Variants in ROR1 observed in about 807,000 individuals in gnomAD.
The protein encoded by ROR1 is ROR family WNT receptor 1.
Under a neutral mutation model 78.8 loss-of-function variants are expected in ROR1, and 19 were observed. The ratio of observed to expected loss-of-function variants is 0.24; its 90% CI spans 0.17 to 0.35. The LOEUF (loss-of-function observed/expected upper bound fraction) is 0.35, where lower values mean the gene tolerates loss of function less well. ROR1 is among the 10% of genes least tolerant of loss of function. The probability of loss-of-function intolerance (pLI) is 1.00; values close to 1 mark genes in which losing one functional copy is unlikely to be tolerated. For synonymous variants in ROR1, 386 were observed against 433.6 expected, an observed-to-expected ratio of 0.89 and a Z score of 1.36; for missense variants, 917 against 1,177.8, an observed-to-expected ratio of 0.78 and a Z score of 3.24.
chr1:63,959,542 G>T (rs553624956), intron 1 of ROR1, among the ~76,000 whole-genome samples: 1 of 152,240 alleles, frequency 6.6e-6, no homozygotes, highest in African/African-American at 2.4e-5. Context: ...TCCTTCTAAG[G>T]ATCTTGCCTC....
intron 1 of ROR1, among the ~76,000 whole-genome samples, chr1:63,976,550 A>C (rs2100503686): frequency 6.6e-6 from 1 of 152,232 alleles, no homozygotes; most frequent in East Asian, 1.9e-4. Context: ...CTAGATATAC[A>C]CTGTTATGTA....
At chr1:63,994,757 C>A (rs888650288) in intron 1 of ROR1, among the ~76,000 whole-genome samples, 1 of 152,204 alleles carries the variant, frequency 6.6e-6, no homozygotes, top group Non-Finnish European at 1.5e-5. Flanking sequence ...AAATGGATGA[C>A]CACATTCCAT....
intron 4 of ROR1, among the ~76,000 whole-genome samples, chr1:64,092,677 G>A (rs950487447): frequency 1.3e-5 from 2 of 152,138 alleles, no homozygotes; most frequent in Admixed American, 1.3e-4. Flanking sequence ...AAAAAAGTTT[G>A]AAAACTACCA....
intron 4 of ROR1, among the ~76,000 whole-genome samples, chr1:64,054,742 G>A (rs1479366137): frequency 6.6e-6 from 1 of 152,022 alleles, no homozygotes; most frequent in African/African-American, 2.4e-5. Context: ...TAATTTTCTT[G>A]GGCTGCTGGA....
intron 1 of ROR1, among the ~76,000 whole-genome samples, chr1:63,999,207 G>A (rs914614191): frequency 3.2e-4 from 49 of 152,186 alleles, no homozygotes; most frequent in East Asian, 1.9e-4. Flanking sequence ...GCTCCTTTGA[G>A]TATCCAAGTT....
At chr1:64,050,656 GTTTC>G (rs1292514584) in intron 3 of ROR1, 26 bp from the exon 4 acceptor site, 10 of 1,610,828 alleles carry the variant, frequency 6.2e-6, no homozygotes, top group Middle Eastern at 1.6e-4. Context: ...TAGACTGACT[GTTTC>G]TTTTGTTTTT....
chr1:63,945,780 A>T (rs531268612), intron 1 of ROR1, among the ~76,000 whole-genome samples: 2 of 152,330 alleles, frequency 1.3e-5, no homozygotes, highest in South Asian at 4.1e-4. Flanking sequence ...TTGTTAAACA[A>T]ATTCAAGACA....
intron 1 of ROR1, among the ~76,000 whole-genome samples, chr1:63,837,943 A>C (rs1229643337): frequency 1.3e-5 from 2 of 152,174 alleles, no homozygotes; most frequent in Non-Finnish European, 2.9e-5. Flanking sequence ...ACTGCATATA[A>C]ATGGTGGTCC....
chr1:64,014,932 G>C (rs2100549785), intron 2 of ROR1, among the ~76,000 whole-genome samples: 1 of 149,912 alleles, frequency 6.7e-6, no homozygotes, highest in South Asian at 2.2e-4. Flanking sequence ...ATATGTATCT[G>C]TTACTGTATT....
Position 64,166,052 on chromosome 1 carries a change from AG to A in ROR1, c.1386+6862del, listed in dbSNP as rs142341870. Among the ~76,000 whole-genome samples, 806 of 152,322 alleles carry A rather than the reference AG, an allele frequency of 5.3e-3. 8 individuals carry two copies. Among genetic ancestry groups the A allele is most frequent in the African/African-American group, 0.017 (712 of 41,564 alleles). On this transcript the variant is annotated intron_variant, in intron 8 of 8. Coordinates refer to ENST00000371079, the MANE Select transcript of ROR1 (RefSeq NM_005012.4). The stretch of plus-strand genomic sequence containing the variant: ...TGAATTAATTTTTGTACATAGTATA[AG>A]GAAAGGGTCCAGTTTCAATCTTCTG...
At chr1:63,988,669 C>T (rs185770147) in intron 1 of ROR1, among the ~76,000 whole-genome samples, 8 of 152,296 alleles carry the variant, frequency 5.3e-5, no homozygotes, top group African/African-American at 9.6e-5. Context: ...CTCCTGGCAA[C>T]CATCATTCTA....
chr1:64,089,536 C>T (rs7533722), intron 4 of ROR1, among the ~76,000 whole-genome samples: 112 of 151,954 alleles, frequency 7.4e-4, no homozygotes, highest in Non-Finnish European at 1.4e-3. Flanking sequence ...AAGAACTGTT[C>T]GTGTAAATAA....
chr1:63,912,982 G>C (rs1645583381), intron 1 of ROR1, among the ~76,000 whole-genome samples: 1 of 152,030 alleles, frequency 6.6e-6, no homozygotes, highest in Non-Finnish European at 1.5e-5. Context: ...CATCTTCCCT[G>C]TCTTTACTTG....
intron 4 of ROR1, among the ~76,000 whole-genome samples, chr1:64,083,166 T>A (rs1298206013): frequency 3.9e-5 from 6 of 152,022 alleles, no homozygotes; most frequent in Non-Finnish European, 8.8e-5. Context: ...GGGAAGAGAA[T>A]TCAGGATGGT....
At chr1:63,994,182 T>A (rs1187992353) in intron 1 of ROR1, among the ~76,000 whole-genome samples, 1 of 152,218 alleles carries the variant, frequency 6.6e-6, no homozygotes, top group African/African-American at 2.4e-5. Flanking sequence ...CTTTGTCCAC[T>A]TATCTATTTC....
intron 4 of ROR1, among the ~76,000 whole-genome samples, chr1:64,131,752 C>T (rs935907437): frequency 2.0e-5 from 3 of 152,092 alleles, no homozygotes; most frequent in Admixed American, 6.6e-5. Context: ...ATAGATAGGA[C>T]TACATGTGTG....
intron 2 of ROR1, among the ~76,000 whole-genome samples, chr1:64,012,648 G>A (rs554592740): frequency 3.3e-5 from 5 of 151,868 alleles, no homozygotes; most frequent in Non-Finnish European, 7.4e-5. Context: ...GGGAGGGGAA[G>A]AAAGCCACCA....
At chr1:64,010,406 A>AACTCTT (rs71709070) in intron 2 of ROR1, among the ~76,000 whole-genome samples, 4,136 of 151,166 alleles carry the variant, frequency 0.027, 221 homozygotes, top group African/African-American at 0.097. Flanking sequence ...ATCTAGCACA[A>AACTCTT]ACTCTTATTT....
intron 1 of ROR1, among the ~76,000 whole-genome samples, chr1:63,868,454 G>A (rs1383928949): frequency 2.0e-5 from 3 of 152,190 alleles, no homozygotes; most frequent in African/African-American, 7.2e-5. Context: ...TCCAGAGTCT[G>A]ATAGACCTGG....
Sources: gnomAD v4.1 joint callset for allele counts (sites outside exome capture counted in the v4.1 genomes callset) on GRCh38, gnomAD v4.1.1 for gene constraint, MANE v1.5 for transcripts, NCBI Gene and HGNC (gene_info 2026-07-23, HGNC 2026-07-21) for gene names.